Variants in KIAA2012 observed in about 807,000 individuals in gnomAD.
KIAA2012 encodes uncharacterized protein KIAA2012.
A neutral mutation model predicts 150.6 loss-of-function variants in KIAA2012; 125 were observed. That is an observed-to-expected ratio of 0.83 (90% CI 0.72 to 0.96). KIAA2012 has a LOEUF of 0.96. Among genes scored for constraint, KIAA2012 ranks in the 40% least tolerant of loss-of-function variants. The pLI is 0.00. For synonymous variants in KIAA2012, 462 were observed against 504.7 expected (o/e 0.92, Z 1.13); for missense variants, 1,219 against 1,354.9 (o/e 0.90, Z 1.57).
At chr2:202,171,591 T>A (rs1691894398) in intron 15 of KIAA2012, among the ~76,000 whole-genome samples, 1 of 151,826 alleles carries the variant, frequency 6.6e-6, no homozygotes, top group East Asian at 1.9e-4. Flanking sequence ...TAGTCTTTTC[T>A]TTTCCTCTCT....
At chr2:202,193,536 T>C (rs1197706428) in intron 20 of KIAA2012, 33 bp downstream of exon 20, 1 of 1,546,118 alleles carries the variant, frequency 6.5e-7, no homozygotes, top group East Asian at 2.4e-5. Flanking sequence ...ACTACAGCCA[T>C]GTTAGGAAGC....
In KIAA2012 at chr2:202,075,146, G is replaced by A; in HGVS notation, c.340G>A (p.Glu114Lys). The A allele has an allele frequency of 6.5e-7, 1 of 1,548,570 alleles. No individual in the cohort carries two copies. Among genetic ancestry groups the A allele is most frequent in the Non-Finnish European group, 8.7e-7 (1 of 1,146,566 alleles). ...LELHTLQDLKEAILAYGRQQG... is the reference protein window; with the variant it reads ...LELHTLQDLKKAILAYGRQQG... ...ACTGCACACACTTCAAGACCTCAAA[G>A]AAGCCATCCTGGCATATGGAAGGCA... The change falls in exon 2 of 24, where the codon GAA (glutamate) becomes AAA (lysine). Residue 114 changes from glutamate to lysine, a missense_variant. Glu to Lys is a moderately conservative substitution (Grantham distance 56, BLOSUM62 1). Transcript: ENST00000498697.
intron 13 of KIAA2012, among the ~76,000 whole-genome samples, chr2:202,149,419 C>G (rs1298070678): frequency 6.6e-6 from 1 of 152,184 alleles, no homozygotes; most frequent in Non-Finnish European, 1.5e-5. Context: ...GGGTGTGTGC[C>G]CCAGCACATT....
chr2:202,123,507 G>A lies in KIAA2012; in HGVS notation c.1763-1707G>A, dbSNP rs562964510. 7.7e-4 allele frequency among the ~76,000 whole-genome samples: 117 copies of A among 152,070 alleles called. 1 individual carries two copies. Among genetic ancestry groups the A allele is most frequent in the African/African-American group, 2.7e-3 (112 of 41,476 alleles). ...CCAGTGTTGATGCTCAGAATCCCAGGCCGCCTGCTCAGCCTCAGCTATCGG... is the reference window on the plus strand; with the variant it reads ...CCAGTGTTGATGCTCAGAATCCCAGACCGCCTGCTCAGCCTCAGCTATCGG... On this transcript the variant is annotated intron_variant, in intron 11 of 23. Coordinates refer to ENST00000498697, the MANE Select transcript of KIAA2012 (RefSeq NM_001277372.4).
chr2:202,190,102 A>T (rs1692298258), intron 18 of KIAA2012, 72 bp from the exon 19 acceptor site: 33 of 1,267,782 alleles, frequency 2.6e-5, no homozygotes, highest in Admixed American at 6.3e-5. Context: ...AAAAAAAGTT[A>T]CTAAAAAGGA....
At chr2:202,152,514 G>GGA (rs1691448778) in intron 13 of KIAA2012, among the ~76,000 whole-genome samples, 1 of 152,190 alleles carries the variant, frequency 6.6e-6, no homozygotes, top group African/African-American at 2.4e-5. Context: ...GGATAATGGA[G>GGA]AAATTTCCCT....
At chr2:202,088,504 G>A (rs1521879) in intron 2 of KIAA2012, among the ~76,000 whole-genome samples, 122,557 of 152,140 alleles carry the variant, frequency 0.81, 49,542 homozygotes, top group Admixed American at 0.82. Context: ...TTCAAGCAAA[G>A]CCTCTGCTCA....
At chr2:202,186,427 G>A (rs957643945) in intron 16 of KIAA2012, among the ~76,000 whole-genome samples, 4 of 151,896 alleles carry the variant, frequency 2.6e-5, no homozygotes, top group Admixed American at 1.3e-4. Context: ...CAGGAGAATC[G>A]CTAGAACCCG....
intron 2 of KIAA2012, among the ~76,000 whole-genome samples, chr2:202,076,230 C>T (rs1689321327): frequency 1.3e-5 from 2 of 152,192 alleles, no homozygotes; most frequent in Non-Finnish European, 1.5e-5. Context: ...GACTGTCATT[C>T]CTGATGGATT....
chr2:202,196,802 G>T lies in KIAA2012; in HGVS notation c.3190G>T (p.Ala1064Ser), dbSNP rs1195439846. ...KQQEEAERAE[A>S]EKQRQEELEM... ...CCACCCCCTTTTCTATTCTGCAGAG[G>T]CAGAGAAGCAAAGGCAAGAGGAATT... The change falls in exon 22 of 24, where the codon GCA becomes TCA. Residue 1064 changes from alanine to serine, a missense_variant and splice_region_variant. By Grantham distance (99) the Ala-to-Ser change is moderately conservative (BLOSUM62 1). Transcript: ENST00000498697. 6.5e-7 allele frequency: 1 copy of T among 1,550,294 alleles called. No individual in the cohort carries two copies. Among genetic ancestry groups the T allele is most frequent in the Non-Finnish European group, 8.7e-7 (1 of 1,146,918 alleles).
chr2:202,076,284 A>G (rs77966899), intron 2 of KIAA2012, among the ~76,000 whole-genome samples: 4,665 of 152,268 alleles, frequency 0.031, 235 homozygotes, highest in African/African-American at 0.11. Context: ...TCATTTCCAG[A>G]AAGAGTACCC....
At chr2:202,162,793 G>A (rs1425717394) in intron 14 of KIAA2012, among the ~76,000 whole-genome samples, 1 of 151,284 alleles carries the variant, frequency 6.6e-6, no homozygotes, top group African/African-American at 2.4e-5. Context: ...AGCTGGGCGT[G>A]GTGGCGGGCG....
intron 15 of KIAA2012, among the ~76,000 whole-genome samples, chr2:202,180,723 G>A (rs1692101176): frequency 6.6e-6 from 1 of 152,168 alleles, no homozygotes; most frequent in Non-Finnish European, 1.5e-5. Flanking sequence ...TGCTCAGGAG[G>A]CTGAGGGATG....
At chr2:202,136,733 C>T (rs1328610669) in intron 12 of KIAA2012, 1 of 152,416 alleles carries the variant, frequency 6.6e-6, no homozygotes, top group South Asian at 2.1e-4. Flanking sequence ...CTCCACACCT[C>T]CCGGCGAGCA....
At chr2:202,184,954 C>A in intron 16 of KIAA2012, 111 bp downstream of exon 16, 1 of 759,316 alleles carries the variant, frequency 1.3e-6, no homozygotes, top group Non-Finnish European at 2.1e-6. Flanking sequence ...TCTCAGCTGA[C>A]AGTATGCTCT....
In KIAA2012 at chr2:202,144,362, CT is replaced by C. The variant is rs564611552; in HGVS notation, c.1908+5858del. On this transcript the variant is annotated intron_variant, in intron 13 of 23. Coordinates refer to ENST00000498697, the MANE Select transcript of KIAA2012 (RefSeq NM_001277372.4). ...AATCTTATGTATCCTAAGTGTATCTCTTTTGGATTTCAAAGAGTAGCCTGTA... is the reference window on the plus strand; with the variant it reads ...AATCTTATGTATCCTAAGTGTATCTCTTTGGATTTCAAAGAGTAGCCTGTA... Among the ~76,000 whole-genome samples, 597 of 152,330 alleles carry C rather than the reference CT, an allele frequency of 3.9e-3. 1 individual carries two copies. The highest frequency in any genetic ancestry group is 7.7e-3 in the South Asian group (37 of 4,830).
chr2:202,129,004 CAGG>C (rs978821597), intron 12 of KIAA2012, among the ~76,000 whole-genome samples: 2 of 152,032 alleles, frequency 1.3e-5, no homozygotes, highest in Non-Finnish European at 2.9e-5. Context: ...GAGGCTGAGG[CAGG>C]AGAATTGCTT....
chr2:202,125,420 T>A, intron 12 of KIAA2012, 138 bp downstream of exon 12: 1 of 692,336 alleles, frequency 1.4e-6, no homozygotes. Context: ...GATTTGCTTC[T>A]TGGAAAGCCT....
intron 15 of KIAA2012, among the ~76,000 whole-genome samples, chr2:202,181,196 C>A (rs1384172922): frequency 6.6e-6 from 1 of 152,160 alleles, no homozygotes; most frequent in Non-Finnish European, 1.5e-5. Flanking sequence ...TCTCAAACTC[C>A]TGTGCTCAAG....
Sources: allele counts gnomAD v4.1 joint callset (sites outside exome capture counted in the v4.1 genomes callset), GRCh38; gene constraint gnomAD v4.1.1; transcripts MANE v1.5; gene names NCBI Gene and HGNC (gene_info 2026-07-23, HGNC 2026-07-21).